Variants in HMBOX1 observed in about 807,000 individuals in gnomAD.
HMBOX1 encodes the protein homeobox-containing protein 1.
A neutral mutation model predicts 54.5 loss-of-function variants in HMBOX1; 14 were observed. That is an observed-to-expected ratio of 0.26 (90% CI 0.17 to 0.40). The LOEUF is 0.40. HMBOX1 is among the 10% of genes least tolerant of loss of function. HMBOX1 has a pLI of 1.00. For synonymous variants in HMBOX1, 160 were observed against 181.0 expected, an observed-to-expected ratio of 0.88 and a Z score of 0.93; for missense variants, 332 against 514.4, an observed-to-expected ratio of 0.65 and a Z score of 3.43.
At chr8:28,937,820 G>A (rs895852380) in intron 1 of HMBOX1, among the ~76,000 whole-genome samples, 3 of 152,142 alleles carry the variant, frequency 2.0e-5, no homozygotes, top group Non-Finnish European at 2.9e-5. Flanking sequence ...AAATTAGAAA[G>A]TTTTGAAGGT....
At chr8:29,025,745 C>G (rs1233895173) in intron 6 of HMBOX1, among the ~76,000 whole-genome samples, 1 of 152,116 alleles carries the variant, frequency 6.6e-6, no homozygotes, top group South Asian at 2.1e-4. Flanking sequence ...TTATACAGTT[C>G]CTGCATTTTT....
intron 6 of HMBOX1, among the ~76,000 whole-genome samples, chr8:29,040,919 G>T (rs917774628): frequency 6.6e-6 from 1 of 151,936 alleles, no homozygotes; most frequent in East Asian, 1.9e-4. Flanking sequence ...GAATAATCGC[G>T]AATTCTAGTT....
chr8:28,912,484 C>T (rs1815640406), intron 1 of HMBOX1, among the ~76,000 whole-genome samples: 1 of 152,216 alleles, frequency 6.6e-6, no homozygotes, highest in Non-Finnish European at 1.5e-5. Context: ...ATGAACTCTT[C>T]AATCCACCAG....
At chr8:28,974,048 A>G (rs1448510742) in intron 3 of HMBOX1, among the ~76,000 whole-genome samples, 1 of 152,042 alleles carries the variant, frequency 6.6e-6, no homozygotes, top group Non-Finnish European at 1.5e-5. Context: ...TCCTGGCCTC[A>G]AGTGATCCGC....
chr8:29,016,268 A>T (rs1428439531), intron 5 of HMBOX1, among the ~76,000 whole-genome samples: 1 of 152,220 alleles, frequency 6.6e-6, no homozygotes, highest in Non-Finnish European at 1.5e-5. Context: ...CCATAAGAAG[A>T]ATAACCCCCT....
chr8:28,895,189 G>C (rs1341997888), intron 1 of HMBOX1, among the ~76,000 whole-genome samples: 1 of 152,212 alleles, frequency 6.6e-6, no homozygotes, highest in African/African-American at 2.4e-5. Flanking sequence ...CTTATGTCCA[G>C]AGATGGTCCA....
intron 1 of HMBOX1, among the ~76,000 whole-genome samples, chr8:28,893,999 C>T (rs956235899): frequency 6.6e-6 from 1 of 152,172 alleles, no homozygotes; most frequent in Admixed American, 6.5e-5. Context: ...AGTTGGCATA[C>T]CACTCAACTT....
intron 1 of HMBOX1, among the ~76,000 whole-genome samples, chr8:28,943,294 G>A (rs866068192): frequency 4.6e-5 from 7 of 152,166 alleles, no homozygotes; most frequent in South Asian, 2.1e-4. Context: ...GAAGACCCAA[G>A]GAAGCAGTGA....
chr8:29,032,407 G>C (rs1414759553), intron 6 of HMBOX1, among the ~76,000 whole-genome samples: 2 of 150,326 alleles, frequency 1.3e-5, no homozygotes, highest in African/African-American at 4.9e-5. Context: ...CTTTCTACAT[G>C]ATCAAGGAAA....
At chr8:29,027,692 AC>A (rs1343122588) in intron 6 of HMBOX1, among the ~76,000 whole-genome samples, 1 of 152,220 alleles carries the variant, frequency 6.6e-6, no homozygotes, top group African/African-American at 2.4e-5. Context: ...ATGTGAGAAT[AC>A]CTAGCAGTGA....
At position 28,946,421 on chromosome 8, in the gene HMBOX1, T is replaced by C. The variant is rs1357328089; in HGVS notation, c.-57-17390T>C. On this transcript the variant is annotated intron_variant, in intron 1 of 9. Transcript: ENST00000287701. ...TCGTCTCTACTAAAAATACAAAATA[T>C]TAGCCTGGCATGGTGGTGGATGCCT... Among the ~76,000 whole-genome samples the C allele has an allele frequency of 3.3e-5, 5 of 151,842 alleles. No homozygotes were observed. The East Asian group carries it at 9.8e-4, about 30-fold the overall frequency.
At chr8:28,960,120 T>A (rs1242712955) in intron 1 of HMBOX1, among the ~76,000 whole-genome samples, 1 of 152,054 alleles carries the variant, frequency 6.6e-6, no homozygotes, top group African/African-American at 2.4e-5. Context: ...TATATTAATT[T>A]CAAATATTAT....
intron 2 of HMBOX1, among the ~76,000 whole-genome samples, chr8:28,968,991 T>C (rs1220073746): frequency 6.6e-6 from 1 of 152,058 alleles, no homozygotes; most frequent in African/African-American, 2.4e-5. Flanking sequence ...CTGGCCAACA[T>C]GTTGAAACCC....
chr8:28,972,897 A>G (rs1563499481), intron 3 of HMBOX1, among the ~76,000 whole-genome samples: 1 of 152,246 alleles, frequency 6.6e-6, no homozygotes, highest in Non-Finnish European at 1.5e-5. Context: ...TTCACTGTGA[A>G]ATATATACAG....
intron 1 of HMBOX1, among the ~76,000 whole-genome samples, chr8:28,907,744 A>G (rs1398419480): frequency 6.6e-6 from 1 of 152,130 alleles, no homozygotes; most frequent in African/African-American, 2.4e-5. Context: ...TCTCTTGAGT[A>G]TATGTGTATC....
At chr8:29,040,826 A>T (rs553723137) in intron 6 of HMBOX1, among the ~76,000 whole-genome samples, 2 of 152,160 alleles carry the variant, frequency 1.3e-5, no homozygotes, top group Non-Finnish European at 2.9e-5. Context: ...TTAGATCCTA[A>T]AAATACAGAT....
intron 4 of HMBOX1, among the ~76,000 whole-genome samples, chr8:28,991,268 T>C (rs1563538448): frequency 6.6e-6 from 1 of 152,244 alleles, no homozygotes; most frequent in Admixed American, 6.5e-5. Context: ...TACATGATTT[T>C]ACTCATGGCA....
intron 1 of HMBOX1, among the ~76,000 whole-genome samples, chr8:28,945,528 CAAGT>C (rs1361096167): frequency 1.3e-5 from 2 of 152,094 alleles, no homozygotes; most frequent in African/African-American, 2.4e-5. Context: ...GAGAAGGTCT[CAAGT>C]AAGATAACAG....
At chr8:28,941,586 G>T (rs1028740600) in intron 1 of HMBOX1, among the ~76,000 whole-genome samples, 1 of 152,172 alleles carries the variant, frequency 6.6e-6, no homozygotes, top group Non-Finnish European at 1.5e-5. Context: ...GCAGTTGAAA[G>T]ATTTCACTTT....
Sources: allele counts gnomAD v4.1 joint callset (sites outside exome capture counted in the v4.1 genomes callset), GRCh38; gene constraint gnomAD v4.1.1; transcripts MANE v1.5; gene names NCBI Gene and HGNC (gene_info 2026-07-23, HGNC 2026-07-21).